ZNF585B: variants seen among roughly 807,000 people sequenced by gnomAD.
ZNF585B encodes the protein zinc finger protein 41-like protein.
Under a neutral mutation model 14.0 loss-of-function variants are expected in ZNF585B, and 7 were observed. That is an observed-to-expected ratio of 0.50 (90% confidence interval 0.28 to 0.94). The LOEUF (loss-of-function observed/expected upper bound fraction) is 0.94. ZNF585B is among the 40% of genes least tolerant of loss of function. ZNF585B has a pLI of 0.09. For synonymous variants in ZNF585B, 290 were observed against 317.3 expected (o/e 0.91, Z 0.91); for missense variants, 750 against 924.4 (o/e 0.81, Z 2.45).
chr19:37,200,516 C>T (rs1435970831), intron 2 of ZNF585B, among the ~76,000 whole-genome samples: 1 of 144,240 alleles, frequency 6.9e-6, no homozygotes. Flanking sequence ...TGCCACTACA[C>T]TCCAGCCTGG....
rs1310023776 is a variant in ZNF585B at position 37,186,504 on chromosome 19, C to T, written c.1033G>A (p.Glu345Lys). The T allele has an allele frequency of 1.4e-5, 23 of 1,614,118 alleles. No homozygotes were observed. In the East Asian group the frequency reaches 4.0e-4, roughly 28 times the overall value. The change falls in exon 5 of 5, where the codon GAG becomes AAG. Residue 345 changes from glutamate (E) to lysine (K), a missense_variant. Glu to Lys is a moderately conservative substitution (Grantham distance 56). Around this residue, in one of 2 missense-constraint regions of ZNF585B, gnomAD observed 517 missense variants for 570.3 expected, o/e 0.91. Transcript: ENST00000532828. ...GATTTCTCTCTACTTTGAATCTTCT[C>T]ATGTGTAATGAGGTTGGAATTATTG... ...FSNNSNLITHEKIQSREKSSI... is the reference protein window; with the variant it reads ...FSNNSNLITHKKIQSREKSSI...
At chr19:37,192,182 C>G (rs1972409032) in intron 2 of ZNF585B, among the ~76,000 whole-genome samples, 1 of 152,244 alleles carries the variant, frequency 6.6e-6, no homozygotes, top group South Asian at 2.1e-4. Flanking sequence ...AGTCTTCACG[C>G]AACCTGAAAT....
In ZNF585B at chr19:37,184,829, A is replaced by G. The variant is rs1972313958; in HGVS notation, c.*398T>C. 4.8e-6 allele frequency: 2 copies of G among 416,122 alleles called. No homozygotes were observed. The highest frequency in any genetic ancestry group is 3.4e-5 in the East Asian group (1 of 29,316). 25.8% of individuals were successfully genotyped at this position (416,122 alleles called of 1,614,324 possible). A position where few individuals can be genotyped will look rare whatever the true frequency, so the allele number is the denominator to read the frequency against. Reference sequence around the variant, plus strand: ...ACAACTCACAGAAGGATTCATCACTATCATATATATTATGTTGTCTTACCA... The same window carrying G: ...ACAACTCACAGAAGGATTCATCACTGTCATATATATTATGTTGTCTTACCA... On this transcript the variant is annotated 3_prime_UTR_variant, in exon 5 of 5. Transcript: ENST00000532828.
chr19:37,204,584 T>G (rs920495417), intron 2 of ZNF585B, among the ~76,000 whole-genome samples: 1 of 152,158 alleles, frequency 6.6e-6, no homozygotes. Context: ...ACTGCTGCTT[T>G]TTTCTTTTGA....
chr19:37,185,816 C>G lies in ZNF585B; in HGVS notation c.1721G>C (p.Gly574Ala), dbSNP rs754900519. 1.9e-6 allele frequency: 3 copies of G among 1,608,742 alleles called. No homozygotes were observed. Among genetic ancestry groups the G allele is most frequent in the South Asian group, 1.1e-5 (1 of 90,368 alleles). Residue 574 changes from glycine (G) to alanine (A), a missense_variant, in exon 5 of 5, where the codon GGA becomes GCA. Physicochemically the swap from Gly to Ala is moderately conservative, Grantham distance 60. Transcript: ENST00000532828. ...ILIVHQKIHTGEKPYVCTECG... is the reference protein window; with the variant it reads ...ILIVHQKIHTAEKPYVCTECG... ...CTCAGTGCATACATAGGGTTTCTCT[C>G]CTGTATGAATTTTCTGATGAACAAT...
chr19:37,185,622 A>T lies in ZNF585B; in HGVS notation c.1915T>A (p.Cys639Ser). Residue 639 changes from cysteine to serine, a missense_variant, in exon 5 of 5, where the codon TGT (cysteine) becomes AGT (serine). Around this residue, in one of 2 missense-constraint regions of ZNF585B, gnomAD observed 233 missense variants for 354.1 expected, o/e 0.66. Coordinates refer to ENST00000532828, the MANE Select transcript of ZNF585B (RefSeq NM_152279.4). ...TGEKPYVCAE[C>S]GKAFSGRSNL... is the part of the protein sequence containing the mutation. ...GACCTGCCACTAAAGGCTTTCCCAC[A>T]CTCGGCACACACATAGGGTTTCTCT... 1 of 1,614,010 alleles carries T rather than the reference A, an allele frequency of 6.2e-7. No individual in the cohort carries two copies. Among genetic ancestry groups the T allele is most frequent in the African/African-American group, 1.3e-5 (1 of 74,988 alleles).
rs1429909052 is a variant in ZNF585B at position 37,185,369 on chromosome 19, C to T, written c.2168G>A (p.Cys723Tyr). 6.2e-7 allele frequency: 1 copy of T among 1,614,060 alleles called. No individual in the cohort carries two copies. The highest frequency in any genetic ancestry group is 8.5e-7 in the Non-Finnish European group (1 of 1,180,054). Residue 723 changes from cysteine to tyrosine, a missense_variant, in exon 5 of 5, where the codon TGT (cysteine) becomes TAT (tyrosine). Coordinates refer to ENST00000532828, the MANE Select transcript of ZNF585B (RefSeq NM_152279.4). ...GGACCTGTTGCTAAAGGCCTTCCCACACTCAGCACACACGTAAGGCTTCTC... is the reference window on the plus strand; with the variant it reads ...GGACCTGTTGCTAAAGGCCTTCCCATACTCAGCACACACGTAAGGCTTCTC... ...TGEKPYVCAECGKAFSNRSNL... is the reference protein window; with the variant it reads ...TGEKPYVCAEYGKAFSNRSNL...
chr19:37,187,489 A>C (rs1357912587), intron 4 of ZNF585B, among the ~76,000 whole-genome samples: 1 of 152,214 alleles, frequency 6.6e-6, no homozygotes, highest in African/African-American at 2.4e-5. Context: ...TTTCTTGATT[A>C]AAGCAACATC....
At chr19:37,203,146 T>C (rs1972550007) in intron 2 of ZNF585B, among the ~76,000 whole-genome samples, 1 of 152,204 alleles carries the variant, frequency 6.6e-6, no homozygotes, top group African/African-American at 2.4e-5. Flanking sequence ...GTCTTTGCTT[T>C]TCTTTTTTTA....
chr19:37,193,470 C>CAA (rs1188808062), intron 2 of ZNF585B, among the ~76,000 whole-genome samples: 30 of 78,320 alleles, frequency 3.8e-4, no homozygotes, highest in African/African-American at 1.0e-3. Flanking sequence ...GCCTCTGTCT[C>CAA]AAAAAAAAAA....
chr19:37,206,145 G>T (rs1036070016), intron 2 of ZNF585B, among the ~76,000 whole-genome samples: 4 of 150,244 alleles, frequency 2.7e-5, no homozygotes, highest in African/African-American at 7.3e-5. Context: ...GAACGGGATG[G>T]CAATAAAAAA....
Position 37,184,412 on chromosome 19 carries a change from GAAAGAGAAAGAAAGAAAA to G in ZNF585B, c.*797_*814del, listed in dbSNP as rs1972298590. 4.6e-5 allele frequency: 2 copies of G among 43,804 alleles called. No homozygotes were observed. Among genetic ancestry groups the G allele is most frequent in the African/African-American group, 1.9e-4 (2 of 10,546 alleles). 2.7% of individuals were successfully genotyped at this position (43,804 alleles called of 1,614,324 possible). A position where few individuals can be genotyped will look rare whatever the true frequency, so the allele number is the denominator to read the frequency against. Reference sequence around the variant, plus strand: ...AGAAAGAAAGAAAGAAAGAAAGAAAGAAAGAGAAAGAAAGAAAAAGAAAGAAAGAAGGAAAGAAAGAAA... The same window carrying G: ...AGAAAGAAAGAAAGAAAGAAAGAAAGAGAAAGAAAGAAGGAAAGAAAGAAA... On this transcript the variant is annotated 3_prime_UTR_variant, in exon 5 of 5. Coordinates refer to ENST00000532828, the MANE Select transcript of ZNF585B (RefSeq NM_152279.4).
At chr19:37,203,936 C>T (rs1250509025) in intron 2 of ZNF585B, among the ~76,000 whole-genome samples, 1 of 152,122 alleles carries the variant, frequency 6.6e-6, no homozygotes, top group African/African-American at 2.4e-5. Flanking sequence ...CCTTCAAGAG[C>T]CTTTTACTTA....
chr19:37,198,031 T>TA (rs891191968), intron 2 of ZNF585B, among the ~76,000 whole-genome samples: 68 of 151,088 alleles, frequency 4.5e-4, no homozygotes, highest in Non-Finnish European at 7.8e-4. Context: ...GCTGAGGAAA[T>TA]AAAAAAAAAT....
chr19:37,201,225 A>T (rs536155621), intron 2 of ZNF585B, among the ~76,000 whole-genome samples: 2 of 152,316 alleles, frequency 1.3e-5, no homozygotes, highest in East Asian at 3.9e-4. Flanking sequence ...CCTCCACCTT[A>T]ATATTTGAGC....
At chr19:37,209,124 G>C (rs2145449172) in intron 1 of ZNF585B, among the ~76,000 whole-genome samples, 1 of 152,014 alleles carries the variant, frequency 6.6e-6, no homozygotes, top group South Asian at 2.1e-4. Flanking sequence ...ATTTTTTTGA[G>C]ATGGAGTTTC....
intron 2 of ZNF585B, among the ~76,000 whole-genome samples, chr19:37,194,738 G>A (rs1972441328): frequency 6.6e-6 from 1 of 152,064 alleles, no homozygotes; most frequent in African/African-American, 2.4e-5. Flanking sequence ...GTATTTAATT[G>A]ATATTTATAG....
intron 2 of ZNF585B, chr19:37,199,647 T>C: frequency 3.5e-6 from 1 of 282,202 alleles, no homozygotes; most frequent in Admixed American, 4.7e-5. Context: ...AGAGAGGAGA[T>C]TAAAAGGAAT....
At chr19:37,202,974 G>A (rs1170714891) in intron 2 of ZNF585B, among the ~76,000 whole-genome samples, 1 of 152,008 alleles carries the variant, frequency 6.6e-6, no homozygotes, top group East Asian at 1.9e-4. Flanking sequence ...ATACTCACTC[G>A]TGATTGTTTG....
Sources: gnomAD v4.1 joint callset for allele counts (sites outside exome capture counted in the v4.1 genomes callset) on GRCh38, gnomAD v4.1.1 for gene constraint, gnomAD v4.1.1 regional missense constraint, MANE v1.5 for transcripts, NCBI Gene and HGNC (gene_info 2026-07-23, HGNC 2026-07-21) for gene names.